EEFSEC: variants seen among roughly 807,000 people sequenced by gnomAD.
EEFSEC encodes eukaryotic elongation factor, selenocysteine-tRNA specific, also known as selenocysteine-specific elongation factor.
A neutral mutation model predicts 42.1 loss-of-function variants in EEFSEC; 43 were observed. The ratio of observed to expected loss-of-function variants is 1.02; its 90% confidence interval spans 0.80 to 1.32. The LOEUF is 1.32. Ranked by LOEUF, EEFSEC falls within the 40% of genes most tolerant of loss-of-function variation. EEFSEC has a pLI of 0.00. For missense variants in EEFSEC, 745 were observed against 803.6 expected, an observed-to-expected ratio of 0.93 and a Z score of 0.88; for synonymous variants, 354 against 339.1, an observed-to-expected ratio of 1.04 and a Z score of -0.48.
At chr3:128,250,909 TG>T (rs2066178447) in intron 2 of EEFSEC, among the ~76,000 whole-genome samples, 1 of 98,366 alleles carries the variant, frequency 1.0e-5, no homozygotes, top group African/African-American at 3.4e-5. Context: ...TAGTTTTTTT[TG>T]GTTTTTTTTT....
At chr3:128,170,923 C>T (rs542206204) in intron 1 of EEFSEC, among the ~76,000 whole-genome samples, 1 of 152,108 alleles carries the variant, frequency 6.6e-6, no homozygotes, top group African/African-American at 2.4e-5. Context: ...TGAATCTTTC[C>T]CTCTTCCTCT....
chr3:128,163,959 TATTTCTATTG>T (rs2065219550), intron 1 of EEFSEC, among the ~76,000 whole-genome samples: 1 of 150,298 alleles, frequency 6.7e-6, no homozygotes, highest in Non-Finnish European at 1.5e-5. Context: ...AAAACAAAAC[TATTTCTATTG>T]ATTTCTACTT....
At chr3:128,306,356 C>G (rs1018945593) in intron 4 of EEFSEC, among the ~76,000 whole-genome samples, 2 of 152,080 alleles carry the variant, frequency 1.3e-5, no homozygotes, top group African/African-American at 4.8e-5. Flanking sequence ...AATTTTGTTG[C>G]TCTGCCTTTT....
intron 4 of EEFSEC, among the ~76,000 whole-genome samples, chr3:128,327,459 C>T (rs1215247779): frequency 1.3e-5 from 2 of 152,322 alleles, no homozygotes; most frequent in East Asian, 3.9e-4. Flanking sequence ...ATACATCTGT[C>T]TCCCCAGTGA....
chr3:128,413,291 A>G (rs1349994881), downstream of EEFSEC, among the ~76,000 whole-genome samples: 1 of 152,108 alleles, frequency 6.6e-6, no homozygotes, highest in Non-Finnish European at 1.5e-5. Context: ...TGAGTGCTCG[A>G]ATATTTATGA....
At chr3:128,293,916 G>A (rs2066674638) in intron 4 of EEFSEC, among the ~76,000 whole-genome samples, 1 of 152,256 alleles carries the variant, frequency 6.6e-6, no homozygotes, top group South Asian at 2.1e-4. Context: ...TTTGTAAATG[G>A]TAAATATTTT....
chr3:128,317,636 C>T lies in EEFSEC; in HGVS notation c.787-23597C>T, dbSNP rs2066961632. ...CCCCTGTGTGGCATCTCACGGTATTCATCTGCCGGCAGAGGAGAGTTCCAG... is the reference window on the plus strand; with the variant it reads ...CCCCTGTGTGGCATCTCACGGTATTTATCTGCCGGCAGAGGAGAGTTCCAG... On this transcript the variant is annotated intron_variant, in intron 4 of 6. Transcript: ENST00000254730. The surrounding 1 kb of genome is among the most constrained non-coding windows in gnomAD (Gnocchi z 4.1). Among the ~76,000 whole-genome samples, 1 of 152,232 alleles carries T rather than the reference C, an allele frequency of 6.6e-6. No homozygotes were observed. Among genetic ancestry groups the T allele is most frequent in the African/African-American group, 2.4e-5 (1 of 41,466 alleles).
the EEFSEC span, among the ~76,000 whole-genome samples, chr3:128,424,638 G>C: frequency 6.6e-5 from 10 of 152,168 alleles, no homozygotes; most frequent in African/African-American, 2.4e-4. Context: ...TCCTGCCTTG[G>C]CCTCTCAAAG....
At chr3:128,279,899 G>A (rs550064792) in intron 4 of EEFSEC, among the ~76,000 whole-genome samples, 1 of 152,344 alleles carries the variant, frequency 6.6e-6, no homozygotes. Flanking sequence ...CTTATACCAA[G>A]AGTCAGTGCA....
chr3:128,348,873 G>A (rs2067348344), intron 5 of EEFSEC, among the ~76,000 whole-genome samples: 1 of 152,228 alleles, frequency 6.6e-6, no homozygotes. Flanking sequence ...AAGCCTCATA[G>A]AAAACTGGGT....
intron 1 of EEFSEC, among the ~76,000 whole-genome samples, chr3:128,209,698 A>G (rs988822538): frequency 6.6e-6 from 1 of 152,264 alleles, no homozygotes; most frequent in Admixed American, 6.5e-5. Flanking sequence ...GTACACAAGT[A>G]CACATATATA....
At chr3:128,256,740 T>G (rs2066245826) in intron 2 of EEFSEC, among the ~76,000 whole-genome samples, 1 of 152,356 alleles carries the variant, frequency 6.6e-6, no homozygotes, top group African/African-American at 2.4e-5. Context: ...TAAGCTATAT[T>G]CTGTATGTTC....
chr3:128,358,545 G>C (rs774269452), intron 6 of EEFSEC, among the ~76,000 whole-genome samples, 172 bp downstream of exon 6: 7 of 152,242 alleles, frequency 4.6e-5, no homozygotes, highest in Non-Finnish European at 1.0e-4. Context: ...AAGCCAGTAT[G>C]GGTTCTGGGA....
intron 1 of EEFSEC, among the ~76,000 whole-genome samples, chr3:128,187,536 G>C (rs865987714): frequency 6.6e-6 from 1 of 152,210 alleles, no homozygotes; most frequent in African/African-American, 2.4e-5. Context: ...GTGAAGAGTG[G>C]ATGTCATTTT....
intron 1 of EEFSEC, among the ~76,000 whole-genome samples, chr3:128,178,241 T>C (rs2065371202): frequency 6.6e-6 from 1 of 152,228 alleles, no homozygotes; most frequent in Non-Finnish European, 1.5e-5. Context: ...ATTTGAAATA[T>C]GAAAGTCATC....
chr3:128,421,116 C>G, the EEFSEC span, among the ~76,000 whole-genome samples: 1 of 152,114 alleles, frequency 6.6e-6, no homozygotes, highest in Non-Finnish European at 1.5e-5. Context: ...CCCACCTTGT[C>G]CCCGGGGCCT....
chr3:128,271,995 C>A (rs1221306657), intron 4 of EEFSEC, among the ~76,000 whole-genome samples: 1 of 152,250 alleles, frequency 6.6e-6, no homozygotes, highest in African/African-American at 2.4e-5. Flanking sequence ...AGGCAGTACT[C>A]TGGTTTCAAA....
At chr3:128,285,243 A>T (rs2066570844) in intron 4 of EEFSEC, among the ~76,000 whole-genome samples, 2 of 152,190 alleles carry the variant, frequency 1.3e-5, no homozygotes, top group Admixed American at 1.3e-4. Flanking sequence ...GGTGCTGTGG[A>T]TGCAGAAAAC....
At chr3:128,215,192 G>C (rs1338277669) in intron 1 of EEFSEC, among the ~76,000 whole-genome samples, 5 of 152,104 alleles carry the variant, frequency 3.3e-5, no homozygotes, top group Non-Finnish European at 5.9e-5. Flanking sequence ...ATGGATATAT[G>C]TCTTATTTGA....
Sources: gnomAD v4.1 joint callset for allele counts (sites outside exome capture counted in the v4.1 genomes callset) on GRCh38, gnomAD v4.1.1 for gene constraint, Gnocchi (gnomAD v3.1) non-coding constraint, MANE v1.5 for transcripts, NCBI Gene and HGNC (gene_info 2026-07-23, HGNC 2026-07-21) for gene names.